DCLK1: variants seen among roughly 807,000 people sequenced by gnomAD.
The protein encoded by DCLK1 is serine/threonine-protein kinase DCLK1.
Under a neutral mutation model 86.2 loss-of-function variants are expected in DCLK1, and 16 were observed. The observed-to-expected ratio is 0.19, with a 90% CI of 0.13 to 0.28. The LOEUF (loss-of-function observed/expected upper bound fraction) is 0.28, where lower values mean the gene tolerates loss of function less well. Among genes scored for constraint, DCLK1 ranks in the 10% least tolerant of loss-of-function variants. DCLK1 has a pLI of 1.00. For missense variants in DCLK1, 590 were observed against 940.2 expected, an observed-to-expected ratio of 0.63 and a Z score of 4.87; for synonymous variants, 369 against 370.5, an observed-to-expected ratio of 1.00 and a Z score of 0.05.
At chr13:35,845,971 A>G (rs548548125) in intron 6 of DCLK1, 1 of 985,398 alleles carries the variant, frequency 1.0e-6, no homozygotes, top group African/African-American at 1.7e-5. Context: ...CAAGAGGAAT[A>G]ACATGGTCCA....
intron 4 of DCLK1, among the ~76,000 whole-genome samples, chr13:35,882,513 T>C (rs1872976445): frequency 6.6e-6 from 1 of 152,244 alleles, no homozygotes; most frequent in African/African-American, 2.4e-5. Context: ...CTCCACTGCT[T>C]AGAACCCTTC....
At chr13:36,055,745 T>C (rs1418722241) in intron 3 of DCLK1, among the ~76,000 whole-genome samples, 3 of 149,868 alleles carry the variant, frequency 2.0e-5, no homozygotes, top group Non-Finnish European at 4.4e-5. Flanking sequence ...CAGAGTGCAC[T>C]GATGTTGAGG....
chr13:36,006,311 G>A (rs571235563), intron 3 of DCLK1, among the ~76,000 whole-genome samples: 5 of 152,166 alleles, frequency 3.3e-5, no homozygotes, highest in East Asian at 3.9e-4. Context: ...GCAAACCAGC[G>A]GGCAGACAGA....
At chr13:35,808,973 A>C in intron 13 of DCLK1, 45 bp downstream of exon 13, 3 of 1,558,026 alleles carry the variant, frequency 1.9e-6, no homozygotes, top group Non-Finnish European at 2.6e-6. Context: ...CTCAGAGAGT[A>C]GAGAAATGCT....
chr13:35,948,014 G>C (rs1361834584), intron 3 of DCLK1, among the ~76,000 whole-genome samples: 1 of 152,202 alleles, frequency 6.6e-6, no homozygotes, highest in African/African-American at 2.4e-5. Context: ...ATTATGGTAA[G>C]TGTATGCCCA....
intron 11 of DCLK1, among the ~76,000 whole-genome samples, chr13:35,811,493 T>C (rs1366856692): frequency 6.6e-6 from 1 of 152,186 alleles, no homozygotes; most frequent in Non-Finnish European, 1.5e-5. Context: ...AGAAAGTCCC[T>C]AGTGCAGTGT....
intron 3 of DCLK1, among the ~76,000 whole-genome samples, chr13:36,051,941 T>C (rs956294563): frequency 8.5e-5 from 13 of 152,186 alleles, no homozygotes; most frequent in African/African-American, 2.9e-4. Context: ...CCCTATGCTA[T>C]GTAGAAGGGA....
intron 4 of DCLK1, among the ~76,000 whole-genome samples, chr13:35,884,953 G>C (rs895237079): frequency 4.6e-5 from 7 of 152,172 alleles, no homozygotes; most frequent in Non-Finnish European, 8.8e-5. Flanking sequence ...ACTTTGGCTA[G>C]GGACATTCTC....
chr13:35,859,247 C>T (rs1289801655), intron 5 of DCLK1, among the ~76,000 whole-genome samples: 1 of 152,182 alleles, frequency 6.6e-6, no homozygotes, highest in Non-Finnish European at 1.5e-5. Context: ...AATCTGAATC[C>T]ACTAAACTCT....
intron 11 of DCLK1, among the ~76,000 whole-genome samples, chr13:35,817,649 A>C (rs1399275746): frequency 6.6e-6 from 1 of 152,126 alleles, no homozygotes; most frequent in Non-Finnish European, 1.5e-5. Flanking sequence ...CAAGTGGTAC[A>C]TCCCTTCTCT....
chr13:35,808,196 A>G lies in DCLK1; in HGVS notation c.1863+28T>C, dbSNP rs1296279477. On this transcript the variant is annotated intron_variant, in intron 14 of 16. Transcript: ENST00000360631. ...AATTCCGTTAAGACACACAGAATATAGGGAAGAGGAAGGCACTGGACACCT... is the reference window on the plus strand; with the variant it reads ...AATTCCGTTAAGACACACAGAATATGGGGAAGAGGAAGGCACTGGACACCT... 3 of 1,580,060 alleles carry G rather than the reference A, an allele frequency of 1.9e-6. No homozygotes were observed. The African/African-American group carries it at 4.0e-5, about 21-fold the overall frequency.
intron 4 of DCLK1, among the ~76,000 whole-genome samples, chr13:35,912,781 G>A (rs976683732): frequency 6.6e-6 from 1 of 152,186 alleles, no homozygotes; most frequent in Admixed American, 6.5e-5. Context: ...CTGGCAGAGG[G>A]CAGCTGTCCC....
At position 35,809,162 on chromosome 13, in the gene DCLK1, T is replaced by G. The variant is rs1051140638; in HGVS notation, c.1689-67A>C. Reference sequence around the variant, plus strand: ...GGACAAATTATGCAGCTTGGTAAAATCAATGACTTTCCTCCTCCAAGCCAA... The same window carrying G: ...GGACAAATTATGCAGCTTGGTAAAAGCAATGACTTTCCTCCTCCAAGCCAA... On this transcript the variant is annotated intron_variant, in intron 12 of 16. Transcript: ENST00000360631. 3.8e-6 allele frequency: 5 copies of G among 1,326,138 alleles called. No individual in the cohort carries two copies. In the African/African-American group the frequency reaches 7.3e-5, roughly 19 times the overall value. The allele number at this position is 1,326,138 out of a possible 1,614,324, so 82.1% of individuals were successfully genotyped here. A position where few individuals can be genotyped will look rare whatever the true frequency, so the allele number is the denominator to read the frequency against.
chr13:36,099,167 C>T (rs893487600), intron 3 of DCLK1, among the ~76,000 whole-genome samples: 1 of 152,002 alleles, frequency 6.6e-6, no homozygotes, highest in Non-Finnish European at 1.5e-5. Context: ...GGGGTTTCAC[C>T]ACGTTGGCCA....
intron 3 of DCLK1, among the ~76,000 whole-genome samples, chr13:36,005,409 T>C (rs1479196920): frequency 6.6e-6 from 1 of 152,244 alleles, no homozygotes; most frequent in African/African-American, 2.4e-5. Context: ...ATGTTAACAA[T>C]GTGATGATCA....
intron 11 of DCLK1, among the ~76,000 whole-genome samples, chr13:35,813,948 G>GT (rs1411584808): frequency 3.3e-5 from 5 of 152,050 alleles, no homozygotes; most frequent in Non-Finnish European, 7.4e-5. Context: ...TTGGAATTCT[G>GT]TTTAACTCAC....
At chr13:35,926,071 T>C (rs1429654389) in intron 4 of DCLK1, among the ~76,000 whole-genome samples, 2 of 152,100 alleles carry the variant, frequency 1.3e-5, no homozygotes, top group Non-Finnish European at 2.9e-5. Context: ...TTTTTTTTTT[T>C]TTCCTGAGAC....
In DCLK1 at chr13:36,042,509, C is replaced by A. The variant is rs141916775; in HGVS notation, c.723+69360G>T. On this transcript the variant is annotated intron_variant, in intron 3 of 16. Coordinates refer to ENST00000360631, the MANE Select transcript of DCLK1 (RefSeq NM_001330071.2). ...TGTGTGTCCTTATTTTTGACCAAAG[C>A]TGTCAATTAAGGTAAGTCCCAACAA... Among the ~76,000 whole-genome samples the A allele has an allele frequency of 2.3e-3, 349 of 152,258 alleles. 3 individuals carry two copies. Among genetic ancestry groups the A allele is most frequent in the African/African-American group, 8.0e-3 (333 of 41,560 alleles).
chr13:35,982,353 C>G (rs1006670194), intron 3 of DCLK1, among the ~76,000 whole-genome samples: 16 of 150,200 alleles, frequency 1.1e-4, no homozygotes, highest in African/African-American at 3.9e-4. Flanking sequence ...TGTACTCCAG[C>G]CTGGACAACA....
Sources: gnomAD v4.1 joint callset for allele counts (sites outside exome capture counted in the v4.1 genomes callset) on GRCh38, gnomAD v4.1.1 for gene constraint, MANE v1.5 for transcripts, NCBI Gene and HGNC (gene_info 2026-07-23, HGNC 2026-07-21) for gene names.